The following GRIK4 variants were observed in gnomAD, a reference collection of about 807,000 sequenced individuals.
GRIK4 encodes the protein glutamate ionotropic receptor kainate type subunit 4.
A neutral mutation model predicts 104.9 loss-of-function variants in GRIK4; 40 were observed. The observed-to-expected ratio is 0.38, with a 90% CI of 0.30 to 0.50. The LOEUF (loss-of-function observed/expected upper bound fraction) is 0.50. GRIK4 is among the 20% of genes least tolerant of loss of function. The pLI is 0.93. For synonymous variants in GRIK4, 485 were observed against 524.9 expected (o/e 0.92, Z 1.04); for missense variants, 1,047 against 1,308.1 (o/e 0.80, Z 3.08).
intron 13 of GRIK4, among the ~76,000 whole-genome samples, chr11:120,912,622 T>C (rs57584368): frequency 0.074 from 11,282 of 151,672 alleles, 521 homozygotes; most frequent in African/African-American, 0.13. Flanking sequence ...ACAAGAAGAG[T>C]GAGCAGAGGA....
At chr11:120,959,278 C>T (rs1317168721) in intron 16 of GRIK4, among the ~76,000 whole-genome samples, 1 of 152,172 alleles carries the variant, frequency 6.6e-6, no homozygotes, top group Non-Finnish European at 1.5e-5. Context: ...AAACCCAGCT[C>T]GCTCATGGTG....
intron 1 of GRIK4, among the ~76,000 whole-genome samples, chr11:120,623,429 G>C (rs886627298): frequency 6.6e-6 from 1 of 151,920 alleles, no homozygotes; most frequent in Admixed American, 6.6e-5. Context: ...CACCGCACCC[G>C]GCCCCCTGTA....
chr11:120,632,184 A>C (rs1038892479), intron 1 of GRIK4, among the ~76,000 whole-genome samples: 3 of 151,994 alleles, frequency 2.0e-5, no homozygotes, highest in African/African-American at 7.3e-5. Context: ...GACCCCAGAG[A>C]GCTTGCTCTC....
intron 8 of GRIK4, among the ~76,000 whole-genome samples, chr11:120,847,137 A>G (rs561764737): frequency 6.6e-6 from 1 of 152,376 alleles, no homozygotes; most frequent in Admixed American, 6.5e-5. Flanking sequence ...AGAGCATCTA[A>G]CTAAATCTCA....
intron 3 of GRIK4, among the ~76,000 whole-genome samples, chr11:120,690,662 C>A (rs565447342): frequency 2.3e-4 from 35 of 152,362 alleles, no homozygotes; most frequent in African/African-American, 8.4e-4. Context: ...CCATTTCTCC[C>A]AAATGGGGAC....
chr11:120,982,754 A>T (rs145213699), intron 20 of GRIK4, among the ~76,000 whole-genome samples: 2 of 152,170 alleles, frequency 1.3e-5, no homozygotes, highest in African/African-American at 4.8e-5. Context: ...GATTTTTTTT[A>T]AAAGTTACAT....
chr11:120,574,099 C>G (rs1948443209), intron 1 of GRIK4, among the ~76,000 whole-genome samples: 1 of 152,226 alleles, frequency 6.6e-6, no homozygotes, highest in Non-Finnish European at 1.5e-5. Context: ...TTGTGTGTCT[C>G]TCTCCAGCCT....
chr11:120,705,568 G>A (rs986241706), intron 3 of GRIK4, among the ~76,000 whole-genome samples: 1 of 152,076 alleles, frequency 6.6e-6, no homozygotes, highest in South Asian at 2.1e-4. Flanking sequence ...ATTTTGATAA[G>A]GATTGCATGG....
Position 120,738,568 on chromosome 11 carries a change from G to A in GRIK4, c.83-64125G>A, listed in dbSNP as rs779709810. ...ACCCCCTACCCACCCTGTCTCATGC[G>A]CTGCTCTGCCCAGTGCATGATGCTG... On this transcript the variant is annotated intron_variant, in intron 3 of 20. Transcript: ENST00000527524. Among the ~76,000 whole-genome samples the A allele has an allele frequency of 5.3e-5, 8 of 152,210 alleles. No individual in the cohort carries two copies. In the East Asian group the frequency reaches 5.8e-4, roughly 11 times the overall value.
intron 15 of GRIK4, among the ~76,000 whole-genome samples, chr11:120,954,131 G>A (rs1336821261): frequency 6.6e-6 from 1 of 152,016 alleles, no homozygotes; most frequent in Non-Finnish European, 1.5e-5. Flanking sequence ...AGGGAACCAC[G>A]GGCTACCTAA....
chr11:120,975,024 G>C (rs1460688382), intron 19 of GRIK4, among the ~76,000 whole-genome samples: 1 of 152,196 alleles, frequency 6.6e-6, no homozygotes, highest in African/African-American at 2.4e-5. Flanking sequence ...GGTGGTCGGT[G>C]AACTCCAAGG....
At chr11:120,982,248 C>T (rs150165871) in intron 20 of GRIK4, 24 bp downstream of exon 20, 130 of 1,267,592 alleles carry the variant, frequency 1.0e-4, no homozygotes, top group Admixed American at 1.7e-4. Context: ...GGGGTATGAT[C>T]GATCGTGTTG....
intron 3 of GRIK4, among the ~76,000 whole-genome samples, chr11:120,738,970 T>C (rs949766150): frequency 6.6e-6 from 1 of 152,190 alleles, no homozygotes; most frequent in Non-Finnish European, 1.5e-5. Flanking sequence ...AGTAGCCTTT[T>C]GTTCATTCCA....
At chr11:120,579,797 G>C (rs1365123168) in intron 1 of GRIK4, among the ~76,000 whole-genome samples, 2 of 152,060 alleles carry the variant, frequency 1.3e-5, no homozygotes, top group Non-Finnish European at 2.9e-5. Context: ...TTAGCATAAA[G>C]TTCCATGACT....
intron 13 of GRIK4, among the ~76,000 whole-genome samples, chr11:120,928,996 T>C (rs931481189): frequency 2.8e-5 from 4 of 144,480 alleles, no homozygotes; most frequent in African/African-American, 1.0e-4. Flanking sequence ...TGTGCGCGCG[T>C]GCACGCGTGT....
intron 3 of GRIK4, among the ~76,000 whole-genome samples, chr11:120,789,462 G>T (rs891194640): frequency 6.6e-6 from 1 of 151,682 alleles, no homozygotes; most frequent in Admixed American, 6.6e-5. Context: ...TCCTCTTTCC[G>T]TGCCCCTCAC....
intron 1 of GRIK4, among the ~76,000 whole-genome samples, chr11:120,628,860 T>G (rs1219162880): frequency 1.3e-5 from 2 of 152,190 alleles, no homozygotes; most frequent in Non-Finnish European, 2.9e-5. Context: ...GCAAGATACA[T>G]CCTTCTTCCC....
chr11:120,892,203 G>A (rs1955321218), intron 11 of GRIK4, among the ~76,000 whole-genome samples: 1 of 152,182 alleles, frequency 6.6e-6, no homozygotes, highest in South Asian at 2.1e-4. Flanking sequence ...GAAGGTAGGT[G>A]TGGCTGCAGC....
chr11:120,985,627 C>CAAA (rs34882153), intron 20 of GRIK4, among the ~76,000 whole-genome samples: 2,377 of 113,870 alleles, frequency 0.021, 43 homozygotes, highest in East Asian at 0.059. Flanking sequence ...TGGAAATGTG[C>CAAA]AAAAAAAAAA....
Sources: allele counts gnomAD v4.1 joint callset (sites outside exome capture counted in the v4.1 genomes callset), GRCh38; gene constraint gnomAD v4.1.1; transcripts MANE v1.5; gene names NCBI Gene and HGNC (gene_info 2026-07-23, HGNC 2026-07-21).